AKAP9: variants seen among roughly 807,000 people sequenced by gnomAD.
The protein encoded by AKAP9 is A-kinase anchor protein 9.
A neutral mutation model predicts 488.5 loss-of-function variants in AKAP9; 311 were observed. The ratio of observed to expected loss-of-function variants is 0.64; its 90% CI spans 0.58 to 0.70. The LOEUF (loss-of-function observed/expected upper bound fraction) is 0.70. Among genes scored for constraint, AKAP9 ranks in the 30% least tolerant of loss-of-function variants. The probability of loss-of-function intolerance (pLI) is 0.00; values close to 1 mark genes in which losing one functional copy is unlikely to be tolerated. For synonymous variants in AKAP9, 1,462 were observed against 1,483.5 expected (o/e 0.99, Z 0.33); for missense variants, 4,215 against 4,374.5 (o/e 0.96, Z 1.03).
Position 92,045,202 on chromosome 7 carries a change from A to G in AKAP9, c.5357A>G (p.Glu1786Gly), listed in dbSNP as rs1008740513. ...EASVKSCVHE[E>G]HTRVTDESIP... Reference sequence around the variant, plus strand: ...TCTGTAAAGTCATGTGTCCATGAGGAACATACAAGAGGTACTAGTTTTCTG... The same window carrying G: ...TCTGTAAAGTCATGTGTCCATGAGGGACATACAAGAGGTACTAGTTTTCTG... Residue 1786 changes from glutamate (E) to glycine (G), a missense_variant, in exon 21 of 50, where the codon GAA becomes GGA. Coordinates refer to ENST00000356239, the MANE Select transcript of AKAP9 (RefSeq NM_005751.5). The G allele has an allele frequency of 6.2e-7, 1 of 1,613,838 alleles. No individual in the cohort carries two copies. Among genetic ancestry groups the G allele is most frequent in the Non-Finnish European group, 8.5e-7 (1 of 1,179,808 alleles).
At chr7:92,107,596 G>A in intron 48 of AKAP9, 174 bp downstream of exon 48, 1 of 630,156 alleles carries the variant, frequency 1.6e-6, no homozygotes, top group Non-Finnish European at 2.7e-6. Context: ...CAGCACTTTG[G>A]GAGGCTGAGG....
rs1795366760 is a variant in AKAP9, at chr7:91,973,884, A to G, written c.222A>G (p.Glu74=). The change falls in exon 2 of 50, where the codon GAA becomes GAG. Residue 74 remains glutamate (E), a synonymous_variant. Transcript: ENST00000356239. ...EMYINSSQRV[E]STVIPESTIM... is the part of the protein sequence containing the mutation. ...ACATAAATAGTTCTCAGAGAGTAGA[A>G]TCAACTGTGATTCCTGAATCTACAA... 3.1e-6 allele frequency: 5 copies of G among 1,613,972 alleles called. No individual in the cohort carries two copies. The highest frequency in any genetic ancestry group is 4.2e-6 in the Non-Finnish European group (5 of 1,179,962).
chr7:91,986,514 A>G (rs1392230249), intron 3 of AKAP9, among the ~76,000 whole-genome samples: 2 of 152,180 alleles, frequency 1.3e-5, no homozygotes, highest in Non-Finnish European at 2.9e-5. Flanking sequence ...AGCTGTTCCT[A>G]TTTGGCCTTC....
intron 47 of AKAP9, 67 bp downstream of exon 47, chr7:92,105,830 A>T: frequency 7.3e-7 from 1 of 1,362,622 alleles, no homozygotes; most frequent in Non-Finnish European, 1.0e-6. Flanking sequence ...CCACCCCCAG[A>T]CTATGGACCA....
chr7:92,092,549 C>A (rs1397285309), intron 38 of AKAP9: 1 of 151,780 alleles, frequency 6.6e-6, no homozygotes, highest in Non-Finnish European at 1.5e-5. Context: ...TTAATGTATT[C>A]TCTTAAACTT....
chr7:91,953,089 T>G (rs1792465253), intron 1 of AKAP9, among the ~76,000 whole-genome samples: 1 of 152,192 alleles, frequency 6.6e-6, no homozygotes, highest in Admixed American at 6.5e-5. Context: ...ATAAAACCAT[T>G]TACGAGGCTG....
At chr7:92,076,172 C>T (rs905218199) in intron 28 of AKAP9, among the ~76,000 whole-genome samples, 3 of 152,154 alleles carry the variant, frequency 2.0e-5, no homozygotes, top group Admixed American at 1.3e-4. Flanking sequence ...ATTCATCATT[C>T]GTTTCAGTCT....
chr7:92,038,860 G>A, intron 17 of AKAP9, 88 bp downstream of exon 17: 1 of 888,290 alleles, frequency 1.1e-6, no homozygotes, highest in Non-Finnish European at 1.7e-6. Flanking sequence ...GCTGCTTAAT[G>A]TTTGGAGGAG....
At chr7:92,098,567 T>A (rs1817031394) in intron 43 of AKAP9, among the ~76,000 whole-genome samples, 1 of 152,228 alleles carries the variant, frequency 6.6e-6, no homozygotes, top group African/African-American at 2.4e-5. Context: ...CTTTTCAGTT[T>A]ATCTCTTGAC....
At chr7:92,013,903 A>G (rs1801145027) in intron 9 of AKAP9, among the ~76,000 whole-genome samples, 1 of 152,026 alleles carries the variant, frequency 6.6e-6, no homozygotes, top group Non-Finnish European at 1.5e-5. Context: ...AGTAGAACAG[A>G]AGACATTGGA....
At chr7:91,959,128 G>A (rs1392507367) in intron 1 of AKAP9, among the ~76,000 whole-genome samples, 1 of 151,810 alleles carries the variant, frequency 6.6e-6, no homozygotes, top group Non-Finnish European at 1.5e-5. Flanking sequence ...TAAGCAATAT[G>A]CCCACCTCAG....
chr7:92,023,873 A>G (rs1432904283), intron 14 of AKAP9, among the ~76,000 whole-genome samples: 1 of 151,904 alleles, frequency 6.6e-6, no homozygotes, highest in African/African-American at 2.4e-5. Flanking sequence ...GGGACTTCTC[A>G]TTGGCTGTTC....
rs141103974 is a variant in AKAP9, at chr7:92,084,891, G to A, written c.8783G>A (p.Arg2928Gln). Residue 2928 changes from arginine to glutamine, a missense_variant, in exon 35 of 50, where the codon CGA becomes CAA. Physicochemically the swap from Arg to Gln is conservative, Grantham distance 43. Around this residue, in one of 5 missense-constraint regions of AKAP9, gnomAD observed 1,476 missense variants for 1,477.4 expected, o/e 1.00. Coordinates refer to ENST00000356239, the MANE Select transcript of AKAP9 (RefSeq NM_005751.5). ...GGATTTGACATAGCATCAGAAGGCC[G>A]AGGAGAAGAAAGTGAAAGTGCAACA... ...SQGFDIASEG[R>Q]GEESESATDS... The A allele has an allele frequency of 2.4e-5, 38 of 1,613,244 alleles. No homozygotes were observed. Among genetic ancestry groups the A allele is most frequent in the East Asian group, 1.1e-4 (5 of 44,788 alleles).
At position 92,084,676 on chromosome 7, in the gene AKAP9, T is replaced by A; in HGVS notation, c.8683T>A (p.Tyr2895Asn). The change falls in exon 34 of 50, where the codon TAC becomes AAC. Residue 2895 changes from tyrosine (Y) to asparagine (N), a missense_variant. Tyr to Asn is a moderately radical substitution (Grantham distance 143, BLOSUM62 -2). Coordinates refer to ENST00000356239, the MANE Select transcript of AKAP9 (RefSeq NM_005751.5). ...TCCTGAGCTAGCACATTCTGATGCT[T>A]ACCAGACTAGAGAAATATGCTCCAG... is the stretch of plus-strand genomic sequence containing the variant. ...SIPELAHSDA[Y>N]QTREICSSDS... 6.2e-7 allele frequency: 1 copy of A among 1,610,722 alleles called. No homozygotes were observed. Among genetic ancestry groups the A allele is most frequent in the Non-Finnish European group, 8.5e-7 (1 of 1,177,168 alleles).
intron 23 of AKAP9, among the ~76,000 whole-genome samples, 187 bp downstream of exon 23, chr7:92,061,609 TATATATATATAA>T (rs1347631713): frequency 1.4e-5 from 2 of 141,546 alleles, no homozygotes; most frequent in African/African-American, 5.3e-5. Flanking sequence ...TATATATATA[TATATATATATAA>T]AATTATAAAA....
chr7:92,029,817 A>ATGTG, intron 14 of AKAP9, 78 bp from the exon 15 acceptor site: 1 of 1,157,520 alleles, frequency 8.6e-7, no homozygotes, highest in Non-Finnish European at 1.3e-6. Flanking sequence ...TACACATTTT[A>ATGTG]TGTGTGGTGT....
intron 2 of AKAP9, among the ~76,000 whole-genome samples, chr7:91,978,241 CAAA>C (rs11295179): frequency 7.9e-5 from 7 of 88,690 alleles, no homozygotes; most frequent in Middle Eastern, 6.0e-3. Flanking sequence ...GACTCTGTCT[CAAA>C]AAAAAAAAAA....
chr7:91,967,168 G>A (rs1173973243), intron 1 of AKAP9, among the ~76,000 whole-genome samples: 1 of 152,108 alleles, frequency 6.6e-6, no homozygotes, highest in Non-Finnish European at 1.5e-5. Flanking sequence ...TGTTGATTGT[G>A]TATCCTGCTA....
At position 92,002,884 on chromosome 7, in the gene AKAP9, A is replaced by G; in HGVS notation, c.2967A>G (p.Gln989=). 1 of 1,612,740 alleles carries G rather than the reference A, an allele frequency of 6.2e-7. No individual in the cohort carries two copies. The highest frequency in any genetic ancestry group is 1.3e-5 in the African/African-American group (1 of 74,898). The stretch of plus-strand genomic sequence containing the variant: ...AATCTTTAAAGCAAGAGAAAGAACA[A>G]GTTTCATTGAGATGTAGAGAGCTAG... ...EVKSLKQEKE[Q]VSLRCRELEI... is the part of the protein sequence containing the mutation. The change falls in exon 8 of 50, where the codon CAA becomes CAG. Residue 989 remains glutamine, a synonymous_variant. Transcript: ENST00000356239.
Sources: allele counts gnomAD v4.1 joint callset (sites outside exome capture counted in the v4.1 genomes callset), GRCh38; gene constraint gnomAD v4.1.1; regional missense constraint gnomAD v4.1.1; transcripts MANE v1.5; gene names NCBI Gene and HGNC (gene_info 2026-07-23, HGNC 2026-07-21).